The following DLG2 variants were observed in gnomAD, a reference collection of about 807,000 sequenced individuals.
DLG2 encodes discs large MAGUK scaffold protein 2.
DLG2 carries 45 observed loss-of-function variants against 132.5 expected under a neutral mutation model. That is an observed-to-expected ratio of 0.34 (90% CI 0.27 to 0.44). The LOEUF (loss-of-function observed/expected upper bound fraction) is 0.44. Ranked by LOEUF, DLG2 falls within the 20% of genes least tolerant of loss-of-function variation. The pLI, the probability that DLG2 is intolerant of heterozygous loss-of-function variation, is 1.00. For missense variants in DLG2, 1,045 were observed against 1,196.9 expected (o/e 0.87, Z 1.87); for synonymous variants, 424 against 419.6 (o/e 1.01, Z -0.13).
intron 6 of DLG2, among the ~76,000 whole-genome samples, chr11:84,736,006 CTT>C (rs944786358): frequency 6.6e-6 from 1 of 151,834 alleles, no homozygotes; most frequent in African/African-American, 2.4e-5. Flanking sequence ...ATGTTCTTCT[CTT>C]ATTTCTTCTA....
chr11:84,266,729 C>G (rs981671935), intron 7 of DLG2, among the ~76,000 whole-genome samples: 1 of 152,186 alleles, frequency 6.6e-6, no homozygotes, highest in African/African-American at 2.4e-5. Flanking sequence ...CCAGGGACCA[C>G]AGAGGCAGAG....
At chr11:84,388,982 T>C (rs923296126) in intron 7 of DLG2, among the ~76,000 whole-genome samples, 1 of 152,108 alleles carries the variant, frequency 6.6e-6, no homozygotes, top group Non-Finnish European at 1.5e-5. Flanking sequence ...CTAAAGGATA[T>C]ACTTTAATTT....
intron 6 of DLG2, among the ~76,000 whole-genome samples, chr11:84,572,236 AT>A (rs1183077546): frequency 1.3e-5 from 2 of 152,152 alleles, no homozygotes; most frequent in African/African-American, 4.8e-5. Flanking sequence ...GATGTTGTAG[AT>A]TACAAAAATG....
At chr11:85,400,122 G>A (rs1427157732) in intron 3 of DLG2, among the ~76,000 whole-genome samples, 4 of 152,132 alleles carry the variant, frequency 2.6e-5, no homozygotes, top group Non-Finnish European at 4.4e-5. Context: ...GTGGGCAAAC[G>A]ATAGGAACAG....
chr11:85,394,022 A>C (rs887700413), intron 3 of DLG2, among the ~76,000 whole-genome samples: 3 of 152,200 alleles, frequency 2.0e-5, no homozygotes, highest in African/African-American at 7.2e-5. Flanking sequence ...TTATTCATGT[A>C]ACCAAGCTCC....
rs559597680 is a variant in DLG2 at position 83,805,614 on chromosome 11, T to C, written c.1723-18822A>G. ...CTTTTGTCTACTCTCAATACCTTGA[T>C]AGTCATCTTGTATATCACAACCACT... is the stretch of plus-strand genomic sequence containing the variant. On this transcript the variant is annotated intron_variant, in intron 17 of 27. Transcript: ENST00000376104. Among the ~76,000 whole-genome samples, 106 of 152,290 alleles carry C rather than the reference T, an allele frequency of 7.0e-4. 2 individuals carry two copies. The Middle Eastern group carries it at 0.01, about 15-fold the overall frequency.
intron 9 of DLG2, among the ~76,000 whole-genome samples, chr11:84,104,061 A>G (rs1008536031): frequency 6.6e-6 from 1 of 152,166 alleles, no homozygotes; most frequent in African/African-American, 2.4e-5. Context: ...CTGAAAACTG[A>G]CATCCATATC....
At chr11:84,291,484 T>TA (rs1201105166) in intron 7 of DLG2, among the ~76,000 whole-genome samples, 1 of 152,174 alleles carries the variant, frequency 6.6e-6, no homozygotes, top group East Asian at 1.9e-4. Context: ...AAGTCAGTAT[T>TA]AAAGTCCTAA....
intron 3 of DLG2, among the ~76,000 whole-genome samples, chr11:85,555,858 T>C (rs2076918176): frequency 6.6e-6 from 1 of 151,820 alleles, no homozygotes; most frequent in Non-Finnish European, 1.5e-5. Flanking sequence ...TTTATTTATT[T>C]CCCCTGAAAG....
intron 6 of DLG2, among the ~76,000 whole-genome samples, chr11:85,078,320 A>T (rs1007118513): frequency 6.6e-6 from 1 of 151,570 alleles, no homozygotes; most frequent in African/African-American, 2.4e-5. Context: ...TCTACTAACA[A>T]TGTTTAATCT....
chr11:84,650,010 A>T (rs2099679637), intron 6 of DLG2, among the ~76,000 whole-genome samples: 1 of 152,174 alleles, frequency 6.6e-6, no homozygotes, highest in Non-Finnish European at 1.5e-5. Context: ...TCTCTCTTTC[A>T]GAGAGTAAAT....
chr11:83,707,281 T>C (rs1200525281), intron 18 of DLG2, among the ~76,000 whole-genome samples: 1 of 152,166 alleles, frequency 6.6e-6, no homozygotes, highest in African/African-American at 2.4e-5. Flanking sequence ...AGTTCCTGTT[T>C]CTATATCTGT....
At chr11:83,883,635 G>C (rs1396976081) in intron 15 of DLG2, among the ~76,000 whole-genome samples, 1 of 152,150 alleles carries the variant, frequency 6.6e-6, no homozygotes, top group Non-Finnish European at 1.5e-5. Flanking sequence ...TGGCCTCAAA[G>C]CCTGAAACAC....
chr11:83,466,014 G>T (rs752719257), intron 26 of DLG2, among the ~76,000 whole-genome samples: 5 of 151,962 alleles, frequency 3.3e-5, no homozygotes, highest in Admixed American at 6.6e-5. Flanking sequence ...AATGATTCTT[G>T]AAAGAAGTTA....
intron 6 of DLG2, among the ~76,000 whole-genome samples, chr11:84,781,135 G>T (rs947092594): frequency 1.3e-5 from 2 of 150,780 alleles, no homozygotes; most frequent in Non-Finnish European, 3.0e-5. Flanking sequence ...ACCAAATGTG[G>T]ATGGAGCACA....
intron 7 of DLG2, among the ~76,000 whole-genome samples, chr11:84,513,216 T>C (rs1330497136): frequency 1.3e-5 from 2 of 151,978 alleles, no homozygotes; most frequent in African/African-American, 4.8e-5. Context: ...ATTCCATGTG[T>C]ATGGATTAGA....
intron 2 of DLG2, among the ~76,000 whole-genome samples, chr11:85,626,206 T>C (rs924087279): frequency 8.5e-5 from 13 of 152,258 alleles, no homozygotes; most frequent in South Asian, 2.1e-4. Context: ...TTCACAATTC[T>C]GTAATTAGTT....
intron 6 of DLG2, among the ~76,000 whole-genome samples, chr11:84,637,605 A>C (rs902056335): frequency 6.6e-6 from 1 of 152,208 alleles, no homozygotes; most frequent in Non-Finnish European, 1.5e-5. Flanking sequence ...CAAGAGAGGG[A>C]GAAAGATTAC....
intron 3 of DLG2, among the ~76,000 whole-genome samples, chr11:85,319,069 T>G (rs2080877227): frequency 6.6e-6 from 1 of 151,926 alleles, no homozygotes; most frequent in Non-Finnish European, 1.5e-5. Flanking sequence ...AAAAATGTTA[T>G]TTTTCAAATG....
Sources: allele counts gnomAD v4.1 joint callset (sites outside exome capture counted in the v4.1 genomes callset), GRCh38; gene constraint gnomAD v4.1.1; transcripts MANE v1.5; gene names NCBI Gene and HGNC (gene_info 2026-07-23, HGNC 2026-07-21).